The following NNT variants were observed in gnomAD, a reference collection of about 807,000 sequenced individuals.
NNT encodes the protein nicotinamide nucleotide transhydrogenase.
A neutral mutation model predicts 104.8 loss-of-function variants in NNT; 50 were observed. That is an observed-to-expected ratio of 0.48 (90% CI 0.38 to 0.60). NNT has a LOEUF of 0.60. Among genes scored for constraint, NNT ranks in the 20% least tolerant of loss-of-function variants. The pLI is 0.00. For synonymous variants in NNT, 461 were observed against 490.4 expected (o/e 0.94, Z 0.79); for missense variants, 1,131 against 1,330.7 (o/e 0.85, Z 2.33).
chr5:43,667,098 A>G, intron 17 of NNT: 1 of 1,561,284 alleles, frequency 6.4e-7, no homozygotes, highest in Non-Finnish European at 8.7e-7. Context: ...GCTTCTTGGC[A>G]AAGTGCATGT....
intron 19 of NNT, among the ~76,000 whole-genome samples, chr5:43,699,284 A>ATTT (rs1292981552): frequency 6.8e-6 from 1 of 147,894 alleles, no homozygotes; most frequent in Non-Finnish European, 1.5e-5. Flanking sequence ...GTGGAGTAGT[A>ATTT]TTTTATATCA....
At chr5:43,703,697 T>C (rs1406374283) in intron 21 of NNT, among the ~76,000 whole-genome samples, 1 of 152,202 alleles carries the variant, frequency 6.6e-6, no homozygotes, top group Non-Finnish European at 1.5e-5. Context: ...TATTATAGAT[T>C]GACTTACCTC....
At position 43,603,872 on chromosome 5, in the gene NNT, C is replaced by A. The variant is rs577316493; in HGVS notation, c.-54+578C>A. Among the ~76,000 whole-genome samples the A allele has an allele frequency of 3.3e-5, 5 of 152,048 alleles. No individual in the cohort carries two copies. The East Asian group carries it at 7.8e-4, about 24-fold the overall frequency. ...TGGGGCGGTCTGGCGGTGGTGGGTA[C>A]AAGTTTCTGGGGCCTAGGCTGGTGA... On this transcript the variant is annotated intron_variant, in intron 1 of 21. Coordinates refer to ENST00000344920, the MANE Select transcript of NNT (RefSeq NM_182977.3).
intron 19 of NNT, among the ~76,000 whole-genome samples, chr5:43,694,034 A>G (rs545558730): frequency 3.3e-5 from 5 of 152,260 alleles, no homozygotes; most frequent in African/African-American, 9.6e-5. Flanking sequence ...AAACCCATGG[A>G]ATTTCGTAAT....
chr5:43,696,238 C>T (rs1742550938), intron 19 of NNT, among the ~76,000 whole-genome samples: 1 of 152,112 alleles, frequency 6.6e-6, no homozygotes, highest in African/African-American at 2.4e-5. Context: ...GAGAAATTGG[C>T]CAAAACAAAG....
chr5:43,648,751 C>T (rs1387137195), intron 10 of NNT, among the ~76,000 whole-genome samples: 1 of 152,070 alleles, frequency 6.6e-6, no homozygotes, highest in East Asian at 1.9e-4. Flanking sequence ...TTGTGTCTTG[C>T]CCAAGTAGAA....
At chr5:43,690,529 A>G (rs1742214460) in intron 19 of NNT, among the ~76,000 whole-genome samples, 1 of 152,190 alleles carries the variant, frequency 6.6e-6, no homozygotes, top group Admixed American at 6.5e-5. Flanking sequence ...ATTACTTTTA[A>G]TACCTCAAAA....
chr5:43,685,577 G>A (rs1741945055), intron 19 of NNT, among the ~76,000 whole-genome samples: 1 of 152,048 alleles, frequency 6.6e-6, no homozygotes, highest in Non-Finnish European at 1.5e-5. Context: ...TTTAGAAAGG[G>A]GCCCAATTGT....
Position 43,603,294 on chromosome 5 carries a change from G to A in NNT, c.-54G>A, listed in dbSNP as rs1749029408. 1 of 152,570 alleles carries A rather than the reference G, an allele frequency of 6.6e-6. No individual in the cohort carries two copies. The highest frequency in any genetic ancestry group is 1.5e-5 in the Non-Finnish European group (1 of 68,320). 9.5% of individuals were successfully genotyped at this position (152,570 alleles called of 1,614,324 possible). A position where few individuals can be genotyped will look rare whatever the true frequency, so the allele number is the denominator to read the frequency against. ...CCAAGGCTGTCAGCCTCCCGGCCCA[G>A]GTGAGCGCGACGGCACTGGCGGGTG... On this transcript the variant is annotated splice_region_variant and 5_prime_UTR_variant, in exon 1 of 22. The change creates a new upstream start codon in the 5' untranslated region. Coordinates refer to ENST00000344920, the MANE Select transcript of NNT (RefSeq NM_182977.3).
intron 19 of NNT, among the ~76,000 whole-genome samples, chr5:43,680,888 A>C (rs963935578): frequency 1.3e-5 from 2 of 152,112 alleles, no homozygotes; most frequent in African/African-American, 4.8e-5. Context: ...CGTAAGAGCC[A>C]CAGATATTTT....
chr5:43,670,756 C>T (rs1234256984), intron 17 of NNT, among the ~76,000 whole-genome samples: 2 of 152,168 alleles, frequency 1.3e-5, no homozygotes, highest in Non-Finnish European at 2.9e-5. Context: ...AATGTGTATT[C>T]TGTTGATTTG....
intron 20 of NNT, among the ~76,000 whole-genome samples, chr5:43,700,639 A>AT (rs1354025098): frequency 6.6e-6 from 1 of 152,140 alleles, no homozygotes; most frequent in African/African-American, 2.4e-5. Flanking sequence ...AGTCTCTGAG[A>AT]TTTTACTGGT....
At chr5:43,624,494 C>A (rs1036422581) in intron 6 of NNT, among the ~76,000 whole-genome samples, 1 of 152,074 alleles carries the variant, frequency 6.6e-6, no homozygotes, top group African/African-American at 2.4e-5. Context: ...CATGCCCTAC[C>A]GTGAATGAAT....
At chr5:43,638,566 AT>A (rs1228494472) in intron 7 of NNT, among the ~76,000 whole-genome samples, 4 of 151,942 alleles carry the variant, frequency 2.6e-5, no homozygotes, top group African/African-American at 9.7e-5. Flanking sequence ...TTCATGAGAA[AT>A]CTATTTTGGT....
chr5:43,659,115 CAG>C, intron 16 of NNT, 54 bp from the exon 17 acceptor site: 1 of 1,464,206 alleles, frequency 6.8e-7, no homozygotes, highest in Middle Eastern at 2.1e-4. Flanking sequence ...TGTTAAATGT[CAG>C]AGGTTTTATT....
At chr5:43,625,123 C>G (rs752156418) in intron 6 of NNT, among the ~76,000 whole-genome samples, 34 of 152,126 alleles carry the variant, frequency 2.2e-4, no homozygotes, top group South Asian at 4.2e-4. Flanking sequence ...TTTATTTTTA[C>G]TGTTTGTTGA....
Position 43,616,062 on chromosome 5 carries a change from C to A in NNT, c.596C>A (p.Ala199Glu). ...YDALSSMANI[A>E]GYKAVVLAAN... ...GCGCTAAGCTCCATGGCCAACATTGCGGGGTAGGTTCTTTTCCATTTCAAT... is the reference window on the plus strand; with the variant it reads ...GCGCTAAGCTCCATGGCCAACATTGAGGGGTAGGTTCTTTTCCATTTCAAT... Residue 199 changes from alanine (A) to glutamate (E), a missense_variant, in exon 4 of 22, where the codon GCG becomes GAG. By Grantham distance (107) the Ala-to-Glu change is moderately radical (BLOSUM62 -1). Transcript: ENST00000344920. The A allele has an allele frequency of 6.2e-7, 1 of 1,612,338 alleles. No homozygotes were observed. Among genetic ancestry groups the A allele is most frequent in the Non-Finnish European group, 8.5e-7 (1 of 1,179,156 alleles).
In NNT at chr5:43,619,069, C is replaced by A. The variant is rs780911751; in HGVS notation, c.637C>A (p.Arg213Ser). The change falls in exon 5 of 22, where the codon CGT becomes AGT. Residue 213 changes from arginine to serine, a missense_variant. Coordinates refer to ENST00000344920, the MANE Select transcript of NNT (RefSeq NM_182977.3). ...TGTCCTAGCAGCAAATCATTTTGGA[C>A]GTTTTTTTACTGGTCAGATCACAGC... ...AVVLAANHFGRFFTGQITAAG... is the reference protein window; with the variant it reads ...AVVLAANHFGSFFTGQITAAG... The A allele has an allele frequency of 2.6e-6, 4 of 1,549,588 alleles. No individual in the cohort carries two copies. In the East Asian group the frequency reaches 7.0e-5, roughly 27 times the overall value.
intron 17 of NNT, among the ~76,000 whole-genome samples, chr5:43,668,853 C>G (rs1363311087): frequency 6.6e-6 from 1 of 152,188 alleles, no homozygotes; most frequent in Non-Finnish European, 1.5e-5. Flanking sequence ...GGCATTGAAT[C>G]TATAAATTAC....
Sources: gnomAD v4.1 joint callset for allele counts (sites outside exome capture counted in the v4.1 genomes callset) on GRCh38, gnomAD v4.1.1 for gene constraint, MANE v1.5 for transcripts, NCBI Gene and HGNC (gene_info 2026-07-23, HGNC 2026-07-21) for gene names.